Variants in ADGRB3 observed in about 807,000 individuals in gnomAD.
ADGRB3 encodes the protein brain-specific angiogenesis inhibitor 3.
Under a neutral mutation model 193.4 loss-of-function variants are expected in ADGRB3, and 37 were observed. That is an observed-to-expected ratio of 0.19 (90% CI 0.15 to 0.25). ADGRB3 has a LOEUF of 0.25. Among genes scored for constraint, ADGRB3 ranks in the 10% least tolerant of loss-of-function variants. The pLI is 1.00. For synonymous variants in ADGRB3, 690 were observed against 644.2 expected, an observed-to-expected ratio of 1.07 and a Z score of -1.08; for missense variants, 1,637 against 1,852.9, an observed-to-expected ratio of 0.88 and a Z score of 2.14.
chr6:68,791,268 A>G (rs141475769), intron 3 of ADGRB3, among the ~76,000 whole-genome samples: 2 of 152,278 alleles, frequency 1.3e-5, no homozygotes, highest in Admixed American at 1.3e-4. Context: ...CTGTGCCCAT[A>G]TGCACGTAAT....
intron 17 of ADGRB3, among the ~76,000 whole-genome samples, chr6:69,124,169 G>C (rs1247682803): frequency 6.6e-6 from 1 of 151,258 alleles, no homozygotes; most frequent in African/African-American, 2.4e-5. Flanking sequence ...ACAAAGATTT[G>C]TTGTCCAAAT....
At chr6:68,936,136 A>C (rs1432592842) in intron 4 of ADGRB3, among the ~76,000 whole-genome samples, 2 of 152,192 alleles carry the variant, frequency 1.3e-5, no homozygotes, top group Non-Finnish European at 2.9e-5. Context: ...CCTGCCGCCA[A>C]AGCCATAGAG....
chr6:69,101,855 A>T (rs1773065913), intron 17 of ADGRB3, among the ~76,000 whole-genome samples: 1 of 152,100 alleles, frequency 6.6e-6, no homozygotes, highest in South Asian at 2.1e-4. Context: ...TTGAACTCAA[A>T]CAGTCTATTC....
chr6:69,174,289 A>G (rs1775366056), intron 17 of ADGRB3, among the ~76,000 whole-genome samples: 1 of 152,044 alleles, frequency 6.6e-6, no homozygotes, highest in Non-Finnish European at 1.5e-5. Context: ...ATTGTCTATT[A>G]TTGCCATTTA....
At chr6:68,874,497 A>G (rs1449700439) in intron 3 of ADGRB3, among the ~76,000 whole-genome samples, 3 of 152,170 alleles carry the variant, frequency 2.0e-5, no homozygotes, top group Admixed American at 6.5e-5. Context: ...TTAATAATAA[A>G]TAAAATTGTC....
At chr6:69,218,545 T>C (rs750074444) in intron 17 of ADGRB3, among the ~76,000 whole-genome samples, 4 of 152,184 alleles carry the variant, frequency 2.6e-5, no homozygotes, top group Non-Finnish European at 5.9e-5. Context: ...TTTAATGACA[T>C]CTGCATTAAC....
chr6:68,737,325 T>G (rs1582159989), intron 3 of ADGRB3, among the ~76,000 whole-genome samples: 3 of 152,154 alleles, frequency 2.0e-5, no homozygotes, highest in Non-Finnish European at 2.9e-5. Flanking sequence ...TTTTTTTGCA[T>G]TTATTTAATT....
At chr6:69,238,755 C>T (rs1766326132) in intron 19 of ADGRB3, among the ~76,000 whole-genome samples, 1 of 151,794 alleles carries the variant, frequency 6.6e-6, no homozygotes, top group Non-Finnish European at 1.5e-5. Flanking sequence ...TACACACATA[C>T]ACACACACGT....
intron 17 of ADGRB3, among the ~76,000 whole-genome samples, chr6:69,137,839 G>A (rs374444343): frequency 6.6e-5 from 10 of 152,252 alleles, no homozygotes; most frequent in Middle Eastern, 3.4e-3. Flanking sequence ...GGTGTACGAT[G>A]CCTAAACACA....
chr6:68,790,857 C>T (rs1031694569), intron 3 of ADGRB3, among the ~76,000 whole-genome samples: 2 of 151,944 alleles, frequency 1.3e-5, no homozygotes, highest in Non-Finnish European at 1.5e-5. Context: ...GCAGAAAAAC[C>T]GGAAACTCTA....
chr6:69,040,346 T>C (rs965260834), intron 13 of ADGRB3, among the ~76,000 whole-genome samples: 105 of 52,258 alleles, frequency 2.0e-3, no homozygotes, highest in South Asian at 9.9e-3. Flanking sequence ...TCTTTCTTTC[T>C]TTCTTTCTTT....
chr6:69,379,587 A>C (rs1769901627), intron 30 of ADGRB3, among the ~76,000 whole-genome samples: 1 of 152,028 alleles, frequency 6.6e-6, no homozygotes. Context: ...TTCACTGTGA[A>C]GCTGGCATTC....
chr6:68,817,305 ATGTAT>A (rs1562042249), intron 3 of ADGRB3, among the ~76,000 whole-genome samples: 1,749 of 43,368 alleles, frequency 0.04, 212 homozygotes, highest in Non-Finnish European at 0.054. Flanking sequence ...CCTTTTGTCC[ATGTAT>A]ATATATATAT....
intron 3 of ADGRB3, among the ~76,000 whole-genome samples, chr6:68,883,760 A>G (rs1191437505): frequency 1.3e-5 from 2 of 152,142 alleles, no homozygotes; most frequent in African/African-American, 4.8e-5. Context: ...CGGACACGTC[A>G]CCTTTATAGA....
At chr6:68,977,800 C>G (rs1376542370) in intron 10 of ADGRB3, among the ~76,000 whole-genome samples, 2 of 151,822 alleles carry the variant, frequency 1.3e-5, no homozygotes, top group African/African-American at 2.4e-5. Context: ...AGATGGGTGT[C>G]CATGCCGCAG....
intron 3 of ADGRB3, among the ~76,000 whole-genome samples, chr6:68,756,022 G>C (rs1470640725): frequency 6.6e-6 from 1 of 152,066 alleles, no homozygotes; most frequent in African/African-American, 2.4e-5. Flanking sequence ...GCCCTATTAG[G>C]AAGAGCTTTT....
At chr6:68,974,490 A>G (rs1172598707) in intron 8 of ADGRB3, among the ~76,000 whole-genome samples, 1 of 152,110 alleles carries the variant, frequency 6.6e-6, no homozygotes, top group Admixed American at 6.5e-5. Flanking sequence ...AAAATCGGCC[A>G]GATGTGGCAA....
intron 3 of ADGRB3, among the ~76,000 whole-genome samples, chr6:68,854,754 T>G (rs507326): frequency 0.45 from 67,935 of 151,896 alleles, 16,534 homozygotes; most frequent in East Asian, 0.6. Flanking sequence ...CACCTCTGAC[T>G]CTAGGGCACA....
intron 20 of ADGRB3, among the ~76,000 whole-genome samples, chr6:69,320,186 A>T (rs566629421): frequency 2.6e-4 from 39 of 151,604 alleles, no homozygotes; most frequent in African/African-American, 9.2e-4. Flanking sequence ...GAATACTTTT[A>T]TGTTCCTCTA....
Sources: gnomAD v4.1 joint callset for allele counts (sites outside exome capture counted in the v4.1 genomes callset) on GRCh38, gnomAD v4.1.1 for gene constraint, MANE v1.5 for transcripts, NCBI Gene and HGNC (gene_info 2026-07-23, HGNC 2026-07-21) for gene names.